The following SP140L variants were observed in gnomAD, a reference collection of about 807,000 sequenced individuals.
SP140L encodes the protein SP140 like nuclear body protein, also known as nuclear body protein SP140-like protein.
Under a neutral mutation model 84.3 loss-of-function variants are expected in SP140L, and 64 were observed. That is an observed-to-expected ratio of 0.76 (90% CI 0.62 to 0.94). The LOEUF is 0.94. Among genes scored for constraint, SP140L ranks in the 40% least tolerant of loss-of-function variants. The pLI is 0.00. For synonymous variants in SP140L, 242 were observed against 236.9 expected, an observed-to-expected ratio of 1.02 and a Z score of -0.20; for missense variants, 628 against 692.5, an observed-to-expected ratio of 0.91 and a Z score of 1.05.
intron 4 of SP140L, among the ~76,000 whole-genome samples, chr2:230,359,363 A>G (rs1340964706): frequency 6.6e-6 from 1 of 152,210 alleles, no homozygotes; most frequent in African/African-American, 2.4e-5. Context: ...AACCAGAGCC[A>G]CACTGGCATC....
rs1277456150 is a variant in SP140L, at chr2:230,327,248, A to C, written c.-22A>C. 1 of 1,607,330 alleles carries C rather than the reference A, an allele frequency of 6.2e-7. No individual in the cohort carries two copies. The highest frequency in any genetic ancestry group is 2.2e-5 in the East Asian group (1 of 44,678). ...GCTCATAGGCCAGGCTCTGACACCC[A>C]GGCAGGGCCTAGGGTGGGACGATGG... On this transcript the variant is annotated 5_prime_UTR_variant, in exon 1 of 19. Transcript: ENST00000415673.
chr2:230,361,706 G>T lies in SP140L; in HGVS notation c.523+9G>T. The T allele has an allele frequency of 6.4e-7, 1 of 1,552,098 alleles. No homozygotes were observed. Among genetic ancestry groups the T allele is most frequent in the African/African-American group, 1.4e-5 (1 of 73,204 alleles). On this transcript the variant is annotated intron_variant, in intron 5 of 18. Coordinates refer to ENST00000415673, the MANE Select transcript of SP140L (RefSeq NM_138402.6). Reference sequence around the variant, plus strand: ...ACTAAGTCTTAAACAAGGTAAAAATGACAGAATAAAAACGGTTTCTCATCC... The same window carrying T: ...ACTAAGTCTTAAACAAGGTAAAAATTACAGAATAAAAACGGTTTCTCATCC...
chr2:230,392,469 T>G (rs2061860501), intron 12 of SP140L, among the ~76,000 whole-genome samples: 1 of 152,122 alleles, frequency 6.6e-6, no homozygotes, highest in Admixed American at 6.5e-5. Flanking sequence ...GAAAGGGTAA[T>G]TCTGACTAGG....
At chr2:230,362,777 G>A (rs2060758315) in intron 5 of SP140L, among the ~76,000 whole-genome samples, 1 of 152,054 alleles carries the variant, frequency 6.6e-6, no homozygotes, top group Admixed American at 6.5e-5. Flanking sequence ...ACCCCCCTAG[G>A]CATTCTAAGC....
Position 230,385,304 on chromosome 2 carries a change from G to T in SP140L, c.784G>T (p.Gly262Trp), listed in dbSNP as rs2061538233. ...TCTGAAAGACCTTTCCAAGATTAGG[G>T]GTAAGATAAAGTTGGTACCACTTTT... ...MNLKDLSKIR[G>W]RKRGKPGTHF... The change falls in exon 9 of 19, where the codon GGG (glycine) becomes TGG (tryptophan). Residue 262 changes from glycine to tryptophan, a missense_variant and splice_region_variant. Coordinates refer to ENST00000415673, the MANE Select transcript of SP140L (RefSeq NM_138402.6). 6.2e-7 allele frequency: 1 copy of T among 1,613,320 alleles called. No individual in the cohort carries two copies. The highest frequency in any genetic ancestry group is 8.5e-7 in the Non-Finnish European group (1 of 1,179,554).
intron 12 of SP140L, among the ~76,000 whole-genome samples, 177 bp from the exon 13 acceptor site, chr2:230,393,237 T>A (rs1171121682): frequency 6.6e-6 from 1 of 152,206 alleles, no homozygotes; most frequent in Non-Finnish European, 1.5e-5. Context: ...CTGGCTTCTA[T>A]TGATTGGAGT....
chr2:230,403,665 T>A lies in SP140L; in HGVS notation c.*769T>A, dbSNP rs905641763. 1 of 152,246 alleles carries A rather than the reference T, an allele frequency of 6.6e-6. No homozygotes were observed. The highest frequency in any genetic ancestry group is 2.4e-5 in the African/African-American group (1 of 41,464). 9.4% of individuals were successfully genotyped at this position (152,246 alleles called of 1,614,324 possible). The stretch of plus-strand genomic sequence containing the variant: ...ATGAGTGTCAATCATCTGACCCTTC[T>A]TGGAGTCTCATATTTCGTGGAACTC... On this transcript the variant is annotated 3_prime_UTR_variant, in exon 19 of 19. Coordinates refer to ENST00000415673, the MANE Select transcript of SP140L (RefSeq NM_138402.6).
intron 2 of SP140L, among the ~76,000 whole-genome samples, chr2:230,355,816 T>C (rs981379909): frequency 6.6e-6 from 1 of 152,066 alleles, no homozygotes; most frequent in Admixed American, 6.5e-5. Flanking sequence ...GAAAAAATAA[T>C]AAATTGGACT....
intron 9 of SP140L, among the ~76,000 whole-genome samples, chr2:230,385,716 A>C (rs1172689015): frequency 6.6e-6 from 1 of 152,194 alleles, no homozygotes; most frequent in African/African-American, 2.4e-5. Flanking sequence ...CAACAATAAG[A>C]GTCTCATTTC....
At chr2:230,346,103 A>G (rs564550670) in intron 2 of SP140L, among the ~76,000 whole-genome samples, 95 of 152,292 alleles carry the variant, frequency 6.2e-4, no homozygotes, top group Admixed American at 6.2e-3. Context: ...GTTTTTTTGG[A>G]AAAACCTTTA....
chr2:230,354,131 G>T, intron 2 of SP140L, among the ~76,000 whole-genome samples: 1 of 152,072 alleles, frequency 6.6e-6, no homozygotes, highest in East Asian at 1.9e-4. Context: ...TTCTCCTGGG[G>T]TAACTTTTTC....
Position 230,332,777 on chromosome 2 carries a change from T to C in SP140L, c.107+3946T>C, listed in dbSNP as rs551226693. Among the ~76,000 whole-genome samples the C allele has an allele frequency of 2.6e-5, 4 of 152,348 alleles. No individual in the cohort carries two copies. In the East Asian group the frequency reaches 5.8e-4, roughly 22 times the overall value. ...AGGACAGTGAGGCACATTGTGTAAC[T>C]TATCAATTCCGTTTTATTTTCTTGG... is the stretch of plus-strand genomic sequence containing the variant. On this transcript the variant is annotated intron_variant, in intron 2 of 18. Transcript: ENST00000415673.
chr2:230,396,044 G>C (rs1314888762), intron 13 of SP140L, among the ~76,000 whole-genome samples: 3 of 152,210 alleles, frequency 2.0e-5, no homozygotes, highest in African/African-American at 4.8e-5. Context: ...GGTCCCTGTA[G>C]GCTGTGGGGG....
chr2:230,357,811 C>T lies in SP140L; in HGVS notation c.114C>T (p.Phe38=), dbSNP rs191483421. 4,448 of 1,609,082 alleles carry T rather than the reference C, an allele frequency of 2.8e-3. 13 individuals carry two copies. Among genetic ancestry groups the T allele is most frequent in the Non-Finnish European group, 3.1e-3 (3,707 of 1,178,462 alleles). The change falls in exon 3 of 19, where the codon TTC becomes TTT. Residue 38 remains phenylalanine, a synonymous_variant. Transcript: ENST00000415673. ...TGGTGTCCTTTTTCCTTAGGCTGTT[C>T]ACGGAAGACCAGGATGTAGATGAGG... ...PAHSQSLQRL[F]TEDQDVDEGL... is the part of the protein sequence containing the mutation.
chr2:230,335,494 G>T (rs1183413447), intron 2 of SP140L, among the ~76,000 whole-genome samples: 1 of 152,218 alleles, frequency 6.6e-6, no homozygotes, highest in Admixed American at 6.5e-5. Context: ...AGTGGAACGA[G>T]TTGGGGAAGT....
chr2:230,346,550 A>T (rs987749804), intron 2 of SP140L, among the ~76,000 whole-genome samples: 1 of 151,778 alleles, frequency 6.6e-6, no homozygotes, highest in African/African-American at 2.4e-5. Flanking sequence ...CCATAAACAC[A>T]ATAGGCTTTT....
chr2:230,346,728 G>T (rs1225035112), intron 2 of SP140L, among the ~76,000 whole-genome samples: 3 of 151,904 alleles, frequency 2.0e-5, no homozygotes, highest in Non-Finnish European at 2.9e-5. Flanking sequence ...ATTTCTGGGG[G>T]TTTGTTTAAT....
intron 14 of SP140L, among the ~76,000 whole-genome samples, chr2:230,397,781 C>T (rs961176922): frequency 1.3e-5 from 2 of 152,162 alleles, no homozygotes; most frequent in African/African-American, 2.4e-5. Context: ...TAGGTCTTTT[C>T]CACACTGATT....
At chr2:230,374,244 A>C (rs1440406278) in intron 7 of SP140L, among the ~76,000 whole-genome samples, 2 of 150,936 alleles carry the variant, frequency 1.3e-5, no homozygotes. Flanking sequence ...TGAACCCGGG[A>C]GGCAGAGGTT....
Sources: gnomAD v4.1 joint callset for allele counts (sites outside exome capture counted in the v4.1 genomes callset) on GRCh38, gnomAD v4.1.1 for gene constraint, MANE v1.5 for transcripts, NCBI Gene and HGNC (gene_info 2026-07-23, HGNC 2026-07-21) for gene names.